RGS7: variants seen among roughly 807,000 people sequenced by gnomAD.
RGS7 encodes the protein regulator of G protein signaling 7.
RGS7 carries 27 observed loss-of-function variants against 81.1 expected under a neutral mutation model. The observed-to-expected ratio is 0.33, with a 90% CI of 0.25 to 0.46. RGS7 has a LOEUF of 0.46. Among genes scored for constraint, RGS7 ranks in the 20% least tolerant of loss-of-function variants. The pLI, the probability that RGS7 is intolerant of heterozygous loss-of-function variation, is 1.00. For missense variants in RGS7, 396 were observed against 607.4 expected (o/e 0.65, Z 3.66); for synonymous variants, 208 against 207.7 (o/e 1.00, Z -0.01).
intron 3 of RGS7, among the ~76,000 whole-genome samples, chr1:241,031,737 C>A (rs1392560210): frequency 6.6e-6 from 1 of 152,114 alleles, no homozygotes; most frequent in Non-Finnish European, 1.5e-5. Flanking sequence ...TGATGTCTAG[C>A]ATTTTTTCAC....
intron 3 of RGS7, among the ~76,000 whole-genome samples, chr1:241,097,755 C>T (rs553983059): frequency 2.2e-4 from 33 of 152,300 alleles, no homozygotes; most frequent in African/African-American, 7.9e-4. Context: ...AGCACAGAGG[C>T]TTATCTTATT....
At chr1:241,178,301 G>T (rs67244847) in intron 2 of RGS7, among the ~76,000 whole-genome samples, 35,814 of 151,868 alleles carry the variant, frequency 0.24, 4,848 homozygotes, top group African/African-American at 0.37. Flanking sequence ...CTAAAAAAAT[G>T]AAAAAGTAAA....
intron 3 of RGS7, among the ~76,000 whole-genome samples, chr1:241,084,222 A>G (rs1053148220): frequency 6.6e-6 from 1 of 152,068 alleles, no homozygotes; most frequent in African/African-American, 2.4e-5. Flanking sequence ...TATTCATCCA[A>G]CCCTGAGAGG....
intron 4 of RGS7, among the ~76,000 whole-genome samples, chr1:240,943,545 G>C (rs868291048): frequency 6.6e-6 from 1 of 152,180 alleles, no homozygotes; most frequent in South Asian, 2.1e-4. Flanking sequence ...TTAGTAGCTA[G>C]TGTTGCTCTG....
Position 240,846,720 on chromosome 1 carries a change from C to G in RGS7, c.610-19548G>C, listed in dbSNP as rs371255122. ...GGTTTGTGTAACCAATAAACTATGA[C>G]AGAAGAGATGACATACCACTTATGA... On this transcript the variant is annotated intron_variant, in intron 9 of 18. Transcript: ENST00000440928. 5.3e-5 allele frequency among the ~76,000 whole-genome samples: 8 copies of G among 152,272 alleles called. No individual in the cohort carries two copies. The South Asian group carries it at 1.7e-3, about 32-fold the overall frequency.
intron 9 of RGS7, among the ~76,000 whole-genome samples, chr1:240,854,325 G>T (rs537358155): frequency 1.3e-5 from 2 of 152,252 alleles, no homozygotes; most frequent in South Asian, 4.1e-4. Context: ...TCTATTCCCA[G>T]TTTGCTTAAT....
At chr1:241,124,351 A>AC (rs1400551203) in intron 2 of RGS7, among the ~76,000 whole-genome samples, 1 of 152,098 alleles carries the variant, frequency 6.6e-6, no homozygotes, top group Non-Finnish European at 1.5e-5. Context: ...ACTCCATTGC[A>AC]CCACTGCACT....
chr1:240,944,274 GTGTGTGTGTATA>G (rs1356443031), intron 4 of RGS7, among the ~76,000 whole-genome samples: 70 of 18,732 alleles, frequency 3.7e-3, no homozygotes, highest in African/African-American at 8.4e-3. Flanking sequence ...GTGTGTGTGT[GTGTGTGTGTATA>G]TATATATATA....
At chr1:241,060,820 CA>C (rs1207569146) in intron 3 of RGS7, among the ~76,000 whole-genome samples, 1 of 152,108 alleles carries the variant, frequency 6.6e-6, no homozygotes, top group East Asian at 1.9e-4. Context: ...AACCTTAAAA[CA>C]AAGCTTAGCG....
chr1:240,907,500 T>G (rs1671016894), intron 6 of RGS7, among the ~76,000 whole-genome samples: 1 of 152,098 alleles, frequency 6.6e-6, no homozygotes, highest in Non-Finnish European at 1.5e-5. Flanking sequence ...AAGATGAAGT[T>G]AGATATGTGT....
chr1:241,039,577 TC>T (rs1395657861), intron 3 of RGS7, among the ~76,000 whole-genome samples: 1 of 147,792 alleles, frequency 6.8e-6, no homozygotes, highest in African/African-American at 2.5e-5. Flanking sequence ...TTTTTTTTTT[TC>T]CCCCTTGGCA....
At chr1:241,251,875 C>T (rs1049059552) in intron 2 of RGS7, among the ~76,000 whole-genome samples, 2 of 151,860 alleles carry the variant, frequency 1.3e-5, no homozygotes, top group Non-Finnish European at 2.9e-5. Flanking sequence ...AATCCTTTTG[C>T]CACTCTCAGG....
intron 6 of RGS7, among the ~76,000 whole-genome samples, chr1:240,920,931 A>T (rs1430350934): frequency 6.9e-6 from 1 of 144,478 alleles, no homozygotes; most frequent in Non-Finnish European, 1.5e-5. Context: ...TTTGATTGTG[A>T]TGCTGAATAA....
intron 15 of RGS7, among the ~76,000 whole-genome samples, chr1:240,803,383 C>T (rs569157272): frequency 6.6e-6 from 1 of 152,250 alleles, no homozygotes; most frequent in Admixed American, 6.5e-5. Flanking sequence ...ACTGAGTAAT[C>T]ATCCTGGATA....
At chr1:240,830,983 C>T (rs187687694) in intron 9 of RGS7, among the ~76,000 whole-genome samples, 95 of 152,278 alleles carry the variant, frequency 6.2e-4, no homozygotes, top group Middle Eastern at 3.4e-3. Context: ...GAAATTCCCA[C>T]TTGAGCCAAT....
At chr1:241,067,704 G>A (rs968254143) in intron 3 of RGS7, among the ~76,000 whole-genome samples, 1 of 151,824 alleles carries the variant, frequency 6.6e-6, no homozygotes, top group Non-Finnish European at 1.5e-5. Context: ...TAATAGAGAT[G>A]GGGTTTCACC....
chr1:241,316,282 A>G (rs2080870382), intron 2 of RGS7, among the ~76,000 whole-genome samples: 1 of 152,184 alleles, frequency 6.6e-6, no homozygotes, highest in Non-Finnish European at 1.5e-5. Flanking sequence ...GTGCTGTTAC[A>G]CAGTCATGAT....
chr1:241,126,458 T>C (rs1324742723), intron 2 of RGS7, among the ~76,000 whole-genome samples: 1 of 152,168 alleles, frequency 6.6e-6, no homozygotes, highest in Non-Finnish European at 1.5e-5. Flanking sequence ...CCCATTTATA[T>C]TTTTTGCTCT....
intron 9 of RGS7, among the ~76,000 whole-genome samples, chr1:240,841,783 T>C (rs1432468509): frequency 6.6e-6 from 1 of 152,226 alleles, no homozygotes; most frequent in Non-Finnish European, 1.5e-5. Context: ...CTCGAATGCT[T>C]GTTGCCTCCT....
Sources: gnomAD v4.1 joint callset for allele counts (sites outside exome capture counted in the v4.1 genomes callset) on GRCh38, gnomAD v4.1.1 for gene constraint, MANE v1.5 for transcripts, NCBI Gene and HGNC (gene_info 2026-07-23, HGNC 2026-07-21) for gene names.